COPG1: variants seen among roughly 807,000 people sequenced by gnomAD.
COPG1 encodes coat protein complex I subunit gamma 1.
A neutral mutation model predicts 102.8 loss-of-function variants in COPG1; 29 were observed. The ratio of observed to expected loss-of-function variants is 0.28; its 90% CI spans 0.21 to 0.38. The LOEUF (loss-of-function observed/expected upper bound fraction) is 0.38, where lower values mean the gene tolerates loss of function less well. Among genes scored for constraint, COPG1 ranks in the 10% least tolerant of loss-of-function variants. The pLI is 1.00. For synonymous variants in COPG1, 406 were observed against 421.6 expected, an observed-to-expected ratio of 0.96 and a Z score of 0.45; for missense variants, 875 against 1,132.7, an observed-to-expected ratio of 0.77 and a Z score of 3.27.
At chr3:129,260,215 G>T (rs1400333660) in intron 10 of COPG1, 118 bp from the exon 11 acceptor site, 3 of 876,874 alleles carry the variant, frequency 3.4e-6, no homozygotes, top group Non-Finnish European at 5.6e-6. Flanking sequence ...GGGTTGGGAT[G>T]GGGGTGTCAG....
Position 129,275,256 on chromosome 3 carries a change from C to T in COPG1, c.2458C>T (p.Pro820Ser). The change falls in exon 23 of 24, where the codon CCG (proline) becomes TCG (serine). Residue 820 changes from proline (P) to serine (S), a missense_variant. By Grantham distance (74) the Pro-to-Ser change is moderately conservative (BLOSUM62 -1). Coordinates refer to ENST00000314797, the MANE Select transcript of COPG1 (RefSeq NM_016128.4). This position sits in a 1 kb window ranked among gnomAD's most constrained non-coding sequence, Gnocchi z 5.0. ...MHPCERSDKV[P>S]DNKNTHTLLL... is the part of the protein sequence containing the mutation. The stretch of plus-strand genomic sequence containing the variant: ...CCCTTGTGAGAGGTCAGACAAAGTG[C>T]CGGATAACAAGAACACCCACACGTT... 6.2e-7 allele frequency: 1 copy of T among 1,614,080 alleles called. No homozygotes were observed. Among genetic ancestry groups the T allele is most frequent in the East Asian group, 2.2e-5 (1 of 44,884 alleles).
Position 129,277,483 on chromosome 3 carries a change from T to G in COPG1, c.*59T>G. The G allele has an allele frequency of 6.4e-7, 1 of 1,565,986 alleles. No individual in the cohort carries two copies. The highest frequency in any genetic ancestry group is 8.7e-7 in the Non-Finnish European group (1 of 1,144,870). On this transcript the variant is annotated 3_prime_UTR_variant, in exon 24 of 24. Transcript: ENST00000314797. Reference sequence around the variant, plus strand: ...CCAACACTACCTGGAAGTTGTGCCTTCCTCATGAAACTGGCAGAAACCCCT... The same window carrying G: ...CCAACACTACCTGGAAGTTGTGCCTGCCTCATGAAACTGGCAGAAACCCCT...
intron 10 of COPG1, among the ~76,000 whole-genome samples, chr3:129,259,584 G>T (rs1217641792): frequency 6.6e-6 from 1 of 151,942 alleles, no homozygotes; most frequent in Non-Finnish European, 1.5e-5. Context: ...AAATAAAGTA[G>T]GGTCTTCAAA....
Position 129,256,612 on chromosome 3 carries a change from G to A in COPG1, c.579+458G>A, listed in dbSNP as rs370224634. On this transcript the variant is annotated intron_variant, in intron 8 of 23. Coordinates refer to ENST00000314797, the MANE Select transcript of COPG1 (RefSeq NM_016128.4). ...CTTGGTTTCCTTGTCTGTAAAATACGAATGAAGGTTACTGCCTCACAAAGC... is the reference window on the plus strand; with the variant it reads ...CTTGGTTTCCTTGTCTGTAAAATACAAATGAAGGTTACTGCCTCACAAAGC... Among the ~76,000 whole-genome samples, 53 of 152,322 alleles carry A rather than the reference G, an allele frequency of 3.5e-4. No homozygotes were observed. The Middle Eastern group carries it at 0.014, about 39-fold the overall frequency.
chr3:129,249,864 G>A (rs1382588872), intron 1 of COPG1, 118 bp downstream of exon 1: 11 of 1,109,642 alleles, frequency 9.9e-6, no homozygotes, highest in Middle Eastern at 2.5e-4. Context: ...GCTTGTGCCA[G>A]GGTCCACAGC....
chr3:129,264,946 C>T (rs1940021103), intron 13 of COPG1, among the ~76,000 whole-genome samples: 1 of 151,774 alleles, frequency 6.6e-6, no homozygotes, highest in South Asian at 2.1e-4. Flanking sequence ...CTCAGCCTCC[C>T]GAGTACCTAG....
intron 18 of COPG1, among the ~76,000 whole-genome samples, chr3:129,269,984 G>A (rs1220055608): frequency 6.7e-6 from 1 of 148,308 alleles, no homozygotes; most frequent in Non-Finnish European, 1.5e-5. Context: ...CCCTTCCACC[G>A]TCTTTAAGGG....
chr3:129,263,873 C>G (rs781135300), intron 12 of COPG1, 31 bp from the exon 13 acceptor site: 13 of 1,590,760 alleles, frequency 8.2e-6, no homozygotes, highest in Admixed American at 1.7e-5. Context: ...GGTGGCAGGG[C>G]CTGCTGCTCA....
In COPG1 at chr3:129,275,131, G is replaced by C; in HGVS notation, c.2396-63G>C. 1 of 1,522,676 alleles carries C rather than the reference G, an allele frequency of 6.6e-7. No individual in the cohort carries two copies. Among genetic ancestry groups the C allele is most frequent in the South Asian group, 1.1e-5 (1 of 88,732 alleles). The allele number at this position is 1,522,676 out of a possible 1,614,324, so 94.3% of individuals were successfully genotyped here. On this transcript the variant is annotated intron_variant, in intron 22 of 23. Transcript: ENST00000314797. This position sits in a 1 kb window ranked among gnomAD's most constrained non-coding sequence, Gnocchi z 5.0. Reference sequence around the variant, plus strand: ...CATTAAAAGCCCTTCAGAACATGGGGGAGTGGTGGTGGCACAAAGGGCAGA... The same window carrying C: ...CATTAAAAGCCCTTCAGAACATGGGCGAGTGGTGGTGGCACAAAGGGCAGA...
Position 129,272,157 on chromosome 3 carries a change from G to A in COPG1, c.1987-87G>A, listed in dbSNP as rs757908839. On this transcript the variant is annotated intron_variant, in intron 19 of 23. Coordinates refer to ENST00000314797, the MANE Select transcript of COPG1 (RefSeq NM_016128.4). The stretch of plus-strand genomic sequence containing the variant: ...GGGATGGGAATCACCTTGGTCAATA[G>A]GAAAGAGGTGGGACCTCCTGGCTTT... 21 of 1,288,522 alleles carry A rather than the reference G, an allele frequency of 1.6e-5. No individual in the cohort carries two copies. In the South Asian group the frequency reaches 2.8e-4, roughly 17 times the overall value. The allele number at this position is 1,288,522 out of a possible 1,614,324, so 79.8% of individuals were successfully genotyped here.
In COPG1 at chr3:129,271,879, A is replaced by G. The variant is rs767429906; in HGVS notation, c.1956A>G (p.Lys652=). 1 of 1,614,014 alleles carries G rather than the reference A, an allele frequency of 6.2e-7. No individual in the cohort carries two copies. The highest frequency in any genetic ancestry group is 2.2e-5 in the East Asian group (1 of 44,892). The part of the protein sequence containing the change: ...SETEYVIRCT[K]HTFTNHMVFQ... ...CGGAGTATGTCATCCGCTGCACCAAACACACCTTCACCAACCACATGGTTT... is the reference window on the plus strand; with the variant it reads ...CGGAGTATGTCATCCGCTGCACCAAGCACACCTTCACCAACCACATGGTTT... Residue 652 remains lysine (K), a synonymous_variant, in exon 19 of 24, where the codon AAA becomes AAG. Coordinates refer to ENST00000314797, the MANE Select transcript of COPG1 (RefSeq NM_016128.4). This position sits in a 1 kb window ranked among gnomAD's most constrained non-coding sequence, Gnocchi z 4.7.
At chr3:129,264,142 C>T in intron 13 of COPG1, 143 bp downstream of exon 13, 1 of 696,578 alleles carries the variant, frequency 1.4e-6, no homozygotes, top group East Asian at 2.7e-5. Flanking sequence ...ACCCTTTAAA[C>T]TCCTTGTGGA....
At chr3:129,258,126 G>A (rs1332933624) in intron 10 of COPG1, among the ~76,000 whole-genome samples, 2 of 152,242 alleles carry the variant, frequency 1.3e-5, no homozygotes, top group Non-Finnish European at 2.9e-5. Flanking sequence ...CTGGCCACAG[G>A]AGGAGGCCTG....
intron 10 of COPG1, among the ~76,000 whole-genome samples, chr3:129,259,290 A>G (rs936795756): frequency 1.3e-5 from 2 of 151,990 alleles, no homozygotes; most frequent in African/African-American, 4.8e-5. Context: ...GTGAAACCCC[A>G]TCTCTACTAA....
In COPG1 at chr3:129,267,012, T is replaced by C; in HGVS notation, c.1469-12T>C. On this transcript the variant is annotated splice_polypyrimidine_tract_variant and intron_variant, in intron 14 of 23. Transcript: ENST00000314797. Reference sequence around the variant, plus strand: ...GTGCATTGGGTAAATCACATTCGCTTCCTAAACACAGGTGCTGTGAGTGCT... The same window carrying C: ...GTGCATTGGGTAAATCACATTCGCTCCCTAAACACAGGTGCTGTGAGTGCT... The C allele has an allele frequency of 6.2e-7, 1 of 1,612,806 alleles. No homozygotes were observed. The highest frequency in any genetic ancestry group is 8.5e-7 in the Non-Finnish European group (1 of 1,179,142).
chr3:129,260,167 T>C, intron 10 of COPG1, 166 bp from the exon 11 acceptor site: 1 of 662,440 alleles, frequency 1.5e-6, no homozygotes. Context: ...CCTCTGTCCA[T>C]GGCTCAGGTG....
intron 23 of COPG1, 136 bp from the exon 24 acceptor site, chr3:129,277,158 A>G: frequency 3.5e-6 from 3 of 845,922 alleles, no homozygotes; most frequent in Non-Finnish European, 5.7e-6. Context: ...TCCCTCACTC[A>G]GGGATTTCAG....
chr3:129,266,923 TG>T, intron 14 of COPG1, 100 bp from the exon 15 acceptor site: 1 of 992,810 alleles, frequency 1.0e-6, no homozygotes, highest in Non-Finnish European at 1.6e-6. Flanking sequence ...TTCTTGCCTC[TG>T]GGGCTCTTCT....
intron 23 of COPG1, among the ~76,000 whole-genome samples, chr3:129,276,020 T>C (rs141263226): frequency 2.0e-4 from 30 of 152,128 alleles, no homozygotes; most frequent in African/African-American, 7.0e-4. Flanking sequence ...ATGTGTACAC[T>C]GAGAATATCT....
Sources: gnomAD v4.1 joint callset for allele counts (sites outside exome capture counted in the v4.1 genomes callset) on GRCh38, gnomAD v4.1.1 for gene constraint, Gnocchi (gnomAD v3.1) non-coding constraint, MANE v1.5 for transcripts, NCBI Gene and HGNC (gene_info 2026-07-23, HGNC 2026-07-21) for gene names.